The following ZNF385D variants were observed in gnomAD, a reference collection of about 807,000 sequenced individuals.
ZNF385D encodes zinc finger protein 659.
ZNF385D carries 15 observed loss-of-function variants against 35.8 expected under a neutral mutation model. That is an observed-to-expected ratio of 0.42 (90% CI 0.28 to 0.64). The LOEUF is 0.64. ZNF385D is among the 30% of genes least tolerant of loss of function. ZNF385D has a pLI of 0.23. For synonymous variants in ZNF385D, 212 were observed against 186.8 expected, an observed-to-expected ratio of 1.13 and a Z score of -1.10; for missense variants, 474 against 494.6, an observed-to-expected ratio of 0.96 and a Z score of 0.39.
chr3:21,532,758 T>C (rs1381785546), intron 3 of ZNF385D, among the ~76,000 whole-genome samples: 1 of 152,128 alleles, frequency 6.6e-6, no homozygotes, highest in Admixed American at 6.6e-5. Context: ...CACCAATTCA[T>C]TTTAGCATAT....
intron 3 of ZNF385D, among the ~76,000 whole-genome samples, chr3:21,525,770 T>G (rs1007107199): frequency 1.3e-5 from 2 of 151,948 alleles, no homozygotes; most frequent in African/African-American, 4.8e-5. Flanking sequence ...TTCTATGAGA[T>G]CTTAATCTCC....
chr3:22,121,286 G>A lies in ZNF385D; in HGVS notation c.325+47531C>T, dbSNP rs370706116. On this transcript the variant is annotated intron_variant, in intron 3 of 5. Coordinates refer to the ZNF385D transcript ENST00000494108. ...ATAGATCAATAGTCCTCCTGCAAGC[G>A]CTTACAGCAGGGAGAGAAACCGTTT... 7.9e-5 allele frequency among the ~76,000 whole-genome samples: 12 copies of A among 152,270 alleles called. 1 individual carries two copies. The highest frequency in any genetic ancestry group is 2.2e-4 in the African/African-American group (9 of 41,552).
At chr3:22,037,865 G>A (rs542173540) in intron 3 of ZNF385D, among the ~76,000 whole-genome samples, 2 of 152,146 alleles carry the variant, frequency 1.3e-5, no homozygotes, top group East Asian at 1.9e-4. Context: ...GCATGGTACT[G>A]GTACCAAAAC....
intron 3 of ZNF385D, among the ~76,000 whole-genome samples, chr3:22,107,694 A>G (rs1243758967): frequency 6.6e-6 from 1 of 152,098 alleles, no homozygotes; most frequent in African/African-American, 2.4e-5. Context: ...AATTGTTGAT[A>G]TATTTCCTTC....
chr3:21,666,633 G>A (rs1417192681), intron 1 of ZNF385D, among the ~76,000 whole-genome samples: 1 of 152,224 alleles, frequency 6.6e-6, no homozygotes, highest in African/African-American at 2.4e-5. Context: ...ACTTGGTAGT[G>A]TATTGAGTGT....
At chr3:21,924,251 A>G (rs1472262958) in intron 3 of ZNF385D, among the ~76,000 whole-genome samples, 2 of 152,214 alleles carry the variant, frequency 1.3e-5, no homozygotes, top group African/African-American at 4.8e-5. Flanking sequence ...AAACACTCTT[A>G]AAGGTGAAGA....
chr3:21,988,069 T>C (rs1342349642), intron 3 of ZNF385D, among the ~76,000 whole-genome samples: 5 of 138,594 alleles, frequency 3.6e-5, no homozygotes, highest in African/African-American at 1.3e-4. Context: ...TATACATTCT[T>C]CTAAATTTTT....
chr3:22,023,118 C>A (rs1697323133), intron 3 of ZNF385D, among the ~76,000 whole-genome samples: 1 of 152,190 alleles, frequency 6.6e-6, no homozygotes, highest in African/African-American at 2.4e-5. Flanking sequence ...TTACCCATGT[C>A]TTATGGAGGG....
intron 3 of ZNF385D, among the ~76,000 whole-genome samples, chr3:22,032,645 C>A (rs1455592949): frequency 3.3e-5 from 5 of 152,058 alleles, no homozygotes; most frequent in Admixed American, 6.6e-5. Flanking sequence ...ATAGATCTGG[C>A]AAATTAAACT....
intron 2 of ZNF385D, among the ~76,000 whole-genome samples, chr3:22,341,971 T>G (rs1469764522): frequency 6.6e-6 from 1 of 152,130 alleles, no homozygotes; most frequent in African/African-American, 2.4e-5. Flanking sequence ...GAAAACTGTT[T>G]AATGAATTAA....
chr3:21,754,556 G>C (rs2070252529), upstream of ZNF385D, among the ~76,000 whole-genome samples: 4 of 152,040 alleles, frequency 2.6e-5, no homozygotes, highest in Admixed American at 2.6e-4. Context: ...TGCCTGCCTT[G>C]ACTCCTCATC....
At chr3:22,102,900 A>G (rs1002706558) in intron 3 of ZNF385D, among the ~76,000 whole-genome samples, 1 of 149,778 alleles carries the variant, frequency 6.7e-6, no homozygotes, top group Non-Finnish European at 1.5e-5. Flanking sequence ...ATCAGGGAAA[A>G]AAAAAAACCA....
intron 2 of ZNF385D, among the ~76,000 whole-genome samples, chr3:22,349,486 G>T (rs1486417307): frequency 1.3e-5 from 2 of 152,158 alleles, no homozygotes; most frequent in Non-Finnish European, 2.9e-5. Flanking sequence ...GGTGATATCT[G>T]TGTTTCCTAC....
At chr3:21,727,894 G>C (rs35995015) in intron 1 of ZNF385D, among the ~76,000 whole-genome samples, 1 of 151,968 alleles carries the variant, frequency 6.6e-6, no homozygotes, top group Non-Finnish European at 1.5e-5. Flanking sequence ...ATTCACAATA[G>C]CAAAGACTTG....
At chr3:22,259,116 C>A (rs1700474166) in intron 2 of ZNF385D, among the ~76,000 whole-genome samples, 1 of 151,834 alleles carries the variant, frequency 6.6e-6, no homozygotes, top group South Asian at 2.1e-4. Context: ...GTAAATATTT[C>A]TCTTGCACTA....
intron 3 of ZNF385D, among the ~76,000 whole-genome samples, chr3:21,798,068 T>G (rs2072233188): frequency 6.6e-6 from 1 of 152,190 alleles, no homozygotes; most frequent in South Asian, 2.1e-4. Context: ...TCATGGATTG[T>G]AACAAATGTA....
At chr3:21,474,477 C>T (rs1704105783) in intron 4 of ZNF385D, among the ~76,000 whole-genome samples, 1 of 152,070 alleles carries the variant, frequency 6.6e-6, no homozygotes, top group South Asian at 2.1e-4. Context: ...ACACGAGGTT[C>T]TGGGAGGCCA....
intron 3 of ZNF385D, among the ~76,000 whole-genome samples, chr3:21,859,930 G>A (rs1046295932): frequency 1.3e-5 from 2 of 151,976 alleles, no homozygotes; most frequent in Non-Finnish European, 2.9e-5. Context: ...AGGATGTCAC[G>A]CTCTGCATCC....
At chr3:22,146,089 C>G (rs1008234559) in intron 3 of ZNF385D, among the ~76,000 whole-genome samples, 2 of 151,970 alleles carry the variant, frequency 1.3e-5, no homozygotes, top group Non-Finnish European at 2.9e-5. Flanking sequence ...TGAACTGCAT[C>G]AAACACAATA....
Sources: gnomAD v4.1 joint callset for allele counts (sites outside exome capture counted in the v4.1 genomes callset) on GRCh38, gnomAD v4.1.1 for gene constraint, MANE v1.5 for transcripts, NCBI Gene and HGNC (gene_info 2026-07-23, HGNC 2026-07-21) for gene names.